The following PRR11 variants were observed in gnomAD, a reference collection of about 807,000 sequenced individuals.
PRR11 encodes proline-rich protein 11.
Under a neutral mutation model 45.6 loss-of-function variants are expected in PRR11, and 30 were observed. That is an observed-to-expected ratio of 0.66 (90% CI 0.49 to 0.89). PRR11 has a LOEUF of 0.89. PRR11 is among the 40% of genes least tolerant of loss of function. PRR11 has a pLI of 0.00. For missense variants in PRR11, 373 were observed against 424.8 expected, an observed-to-expected ratio of 0.88 and a Z score of 1.07; for synonymous variants, 128 against 153.5, an observed-to-expected ratio of 0.83 and a Z score of 1.23.
At position 59,206,103 on chromosome 17, in the gene PRR11, A is replaced by G. The variant is rs1290991251; in HGVS notation, c.*4472A>G. 6.6e-6 allele frequency among the ~76,000 whole-genome samples: 1 copy of G among 152,120 alleles called. No homozygotes were observed. Among genetic ancestry groups the G allele is most frequent in the Non-Finnish European group, 1.5e-5 (1 of 68,022 alleles). ...GCTTTATGGCCCAGTGCAGTGGCTC[A>G]CACCTATAATCCTAGCACTTTGGGA... On this transcript the variant is annotated 3_prime_UTR_variant, in exon 10 of 10. Transcript: ENST00000262293.
At chr17:59,185,648 C>A in intron 4 of PRR11, 86 bp downstream of exon 4, 1 of 1,203,612 alleles carries the variant, frequency 8.3e-7, no homozygotes, top group Non-Finnish European at 1.2e-6. Flanking sequence ...GGAAAATGCT[C>A]AAGTCATAAG....
chr17:59,175,480 C>A (rs1006895073), intron 2 of PRR11, among the ~76,000 whole-genome samples: 1 of 152,042 alleles, frequency 6.6e-6, no homozygotes, highest in African/African-American at 2.4e-5. Context: ...GTAAAAGACA[C>A]GCCAGACGTG....
At chr17:59,156,240 C>T (rs2046622956) in intron 1 of PRR11, among the ~76,000 whole-genome samples, 1 of 152,096 alleles carries the variant, frequency 6.6e-6, no homozygotes, top group African/African-American at 2.4e-5. Flanking sequence ...TGGTACATTT[C>T]TTGACTGGGA....
intron 2 of PRR11, among the ~76,000 whole-genome samples, chr17:59,182,774 C>T (rs1355201700): frequency 1.3e-5 from 2 of 152,116 alleles, no homozygotes; most frequent in African/African-American, 4.8e-5. Context: ...CTTCATCATC[C>T]ACCACCTCCT....
chr17:59,197,305 G>A (rs920863051), intron 7 of PRR11, among the ~76,000 whole-genome samples: 1 of 149,350 alleles, frequency 6.7e-6, no homozygotes, highest in Non-Finnish European at 1.5e-5. Flanking sequence ...AGGCTGGAGT[G>A]CAGTGGTGCA....
At chr17:59,176,005 G>A (rs970779559) in intron 2 of PRR11, among the ~76,000 whole-genome samples, 5 of 152,282 alleles carry the variant, frequency 3.3e-5, no homozygotes, top group East Asian at 3.9e-4. Flanking sequence ...GGCAGATGAC[G>A]TAATCCCAAT....
chr17:59,159,951 T>C (rs1338383436), intron 1 of PRR11, among the ~76,000 whole-genome samples: 1 of 152,170 alleles, frequency 6.6e-6, no homozygotes, highest in Non-Finnish European at 1.5e-5. Context: ...TACTTTCTGC[T>C]TACCCATCTC....
chr17:59,193,072 A>G (rs915213858), intron 4 of PRR11, among the ~76,000 whole-genome samples: 8 of 152,080 alleles, frequency 5.3e-5, no homozygotes, highest in African/African-American at 1.9e-4. Context: ...TTTTGTTTCA[A>G]GTGTGTTTGT....
chr17:59,168,020 G>T (rs1355802380), intron 1 of PRR11, among the ~76,000 whole-genome samples: 1 of 151,914 alleles, frequency 6.6e-6, no homozygotes, highest in Non-Finnish European at 1.5e-5. Context: ...AGTTGCTGTG[G>T]TTCAAATGTC....
At chr17:59,184,196 T>C (rs2046802520) in intron 2 of PRR11, among the ~76,000 whole-genome samples, 1 of 152,198 alleles carries the variant, frequency 6.6e-6, no homozygotes, top group Non-Finnish European at 1.5e-5. Flanking sequence ...GCTCAGTGGC[T>C]CACGCCTGTA....
rs1480767932 is a variant in PRR11, at chr17:59,195,362, T to C, written c.776T>C (p.Leu259Pro). 2 of 1,613,856 alleles carry C rather than the reference T, an allele frequency of 1.2e-6. No homozygotes were observed. The highest frequency in any genetic ancestry group is 1.1e-5 in the South Asian group (1 of 91,078). The stretch of plus-strand genomic sequence containing the variant: ...CCATCGCCGAAAGCACGGAATCCAC[T>C]AGTTACCGTCTCTGACTTGCAGCAT... The part of the protein sequence containing the change: ...LIPSPKARNP[L>P]VTVSDLQHVT... Residue 259 changes from leucine to proline, a missense_variant, in exon 7 of 10, where the codon CTA (leucine) becomes CCA (proline). Coordinates refer to ENST00000262293, the MANE Select transcript of PRR11 (RefSeq NM_018304.4).
intron 2 of PRR11, among the ~76,000 whole-genome samples, chr17:59,182,905 T>C (rs1599701847): frequency 6.6e-6 from 1 of 152,150 alleles, no homozygotes; most frequent in East Asian, 1.9e-4. Context: ...GTCTCTGTTC[T>C]ATCCAAGGCC....
intron 2 of PRR11, among the ~76,000 whole-genome samples, chr17:59,174,621 GA>G (rs2046732113): frequency 6.6e-6 from 1 of 152,172 alleles, no homozygotes; most frequent in Admixed American, 6.5e-5. Context: ...TTTTTATGGA[GA>G]GGGGATCTCG....
At chr17:59,162,582 C>T (rs1056599846) in intron 1 of PRR11, among the ~76,000 whole-genome samples, 6 of 152,130 alleles carry the variant, frequency 3.9e-5, no homozygotes, top group African/African-American at 4.8e-5. Flanking sequence ...TCAGAGGCAA[C>T]ACTATTAAGT....
intron 1 of PRR11, chr17:59,160,636 G>T (rs1169448461): frequency 2.6e-5 from 4 of 152,112 alleles, no homozygotes; most frequent in Non-Finnish European, 4.4e-5. Context: ...CAGTTTGCTG[G>T]TTCCTTAGCC....
intron 1 of PRR11, among the ~76,000 whole-genome samples, chr17:59,167,401 T>C (rs565150455): frequency 6.6e-6 from 1 of 152,300 alleles, no homozygotes; most frequent in African/African-American, 2.4e-5. Context: ...CTAGAACTTA[T>C]TCCTGCTATC....
intron 2 of PRR11, among the ~76,000 whole-genome samples, chr17:59,174,035 C>T (rs1298833291): frequency 1.3e-5 from 2 of 152,204 alleles, no homozygotes; most frequent in African/African-American, 4.8e-5. Context: ...CAAATTTTAT[C>T]TCCTGTCCTT....
chr17:59,183,580 G>A (rs2046799420), intron 2 of PRR11, among the ~76,000 whole-genome samples: 1 of 152,048 alleles, frequency 6.6e-6, no homozygotes, highest in Non-Finnish European at 1.5e-5. Context: ...GACATTTTGA[G>A]GCCTGAAAAT....
chr17:59,185,063 T>G lies in PRR11; in HGVS notation c.138T>G (p.Ile46Met), dbSNP rs750362907. 3.1e-6 allele frequency: 5 copies of G among 1,613,148 alleles called. No individual in the cohort carries two copies. The Admixed American group carries it at 8.3e-5, about 27-fold the overall frequency. ...TTTGTTTTTCCTACAGAGTCGGTAT[T>G]TCTTCAATAGATATATCTCAAAGCA... Reference protein sequence around the residue: ...PPPPSPERVGISSIDISQSRS... With the variant: ...PPPPSPERVGMSSIDISQSRS... Residue 46 changes from isoleucine (I) to methionine (M), a missense_variant, in exon 3 of 10, where the codon ATT (isoleucine) becomes ATG (methionine). By Grantham distance (10) the Ile-to-Met change is conservative. Coordinates refer to ENST00000262293, the MANE Select transcript of PRR11 (RefSeq NM_018304.4).
Sources: allele counts gnomAD v4.1 joint callset (sites outside exome capture counted in the v4.1 genomes callset), GRCh38; gene constraint gnomAD v4.1.1; transcripts MANE v1.5; gene names NCBI Gene and HGNC (gene_info 2026-07-23, HGNC 2026-07-21).